SCARA5: variants seen among roughly 807,000 people sequenced by gnomAD.
SCARA5 encodes scavenger receptor class A, member 5 (putative).
A neutral mutation model predicts 46.3 loss-of-function variants in SCARA5; 45 were observed. The observed-to-expected ratio is 0.97, with a 90% CI of 0.76 to 1.24. The LOEUF (loss-of-function observed/expected upper bound fraction) is 1.24. SCARA5 is among the 50% of genes most tolerant of loss of function. The pLI, the probability that SCARA5 is intolerant of heterozygous loss-of-function variation, is 0.00. For synonymous variants in SCARA5, 333 were observed against 306.5 expected (o/e 1.09, Z -0.90); for missense variants, 680 against 689.0 (o/e 0.99, Z 0.15).
At chr8:27,931,975 TC>T (rs36023823) in intron 3 of SCARA5, among the ~76,000 whole-genome samples, 80,562 of 151,526 alleles carry the variant, frequency 0.53, 22,682 homozygotes, top group Middle Eastern at 0.72. Flanking sequence ...CATTTTTAAT[TC>T]TTTTATTTTT....
intron 3 of SCARA5, among the ~76,000 whole-genome samples, chr8:27,950,769 G>C (rs1808111370): frequency 6.6e-6 from 1 of 151,866 alleles, no homozygotes; most frequent in African/African-American, 2.4e-5. Flanking sequence ...TCGGAATCCA[G>C]TGCCAGCACT....
At chr8:27,927,034 G>A (rs550715646) in intron 3 of SCARA5, among the ~76,000 whole-genome samples, 1 of 152,204 alleles carries the variant, frequency 6.6e-6, no homozygotes, top group African/African-American at 2.4e-5. Flanking sequence ...AGAGTAACAG[G>A]GCAACCTCCC....
intron 3 of SCARA5, among the ~76,000 whole-genome samples, chr8:27,960,896 C>T (rs1437367867): frequency 6.6e-6 from 1 of 152,128 alleles, no homozygotes; most frequent in Non-Finnish European, 1.5e-5. Flanking sequence ...CTCAGCTATG[C>T]TTATGTGTGT....
intron 5 of SCARA5, among the ~76,000 whole-genome samples, chr8:27,907,500 G>A (rs1001917148): frequency 6.6e-6 from 1 of 151,882 alleles, no homozygotes; most frequent in Non-Finnish European, 1.5e-5. Flanking sequence ...TGTGAGTGAC[G>A]GTGGGGGTGC....
chr8:27,975,815 G>C (rs1808515201), intron 2 of SCARA5, among the ~76,000 whole-genome samples: 1 of 152,122 alleles, frequency 6.6e-6, no homozygotes, highest in African/African-American at 2.4e-5. Context: ...CCCGGGGTAG[G>C]AGCCTGGTCT....
intron 1 of SCARA5, among the ~76,000 whole-genome samples, 199 bp from the exon 2 acceptor site, chr8:27,987,829 T>C (rs1391531092): frequency 6.6e-6 from 1 of 152,128 alleles, no homozygotes; most frequent in Non-Finnish European, 1.5e-5. Context: ...ATGCCCCCAC[T>C]CCCAGCTTCC....
At chr8:27,899,099 G>GT (rs1269643876) in intron 7 of SCARA5, among the ~76,000 whole-genome samples, 1 of 152,234 alleles carries the variant, frequency 6.6e-6, no homozygotes, top group African/African-American at 2.4e-5. Context: ...CACGGAGGGG[G>GT]TCTAAAGGGA....
chr8:27,883,806 G>A (rs987472816), intron 7 of SCARA5, among the ~76,000 whole-genome samples: 1 of 152,046 alleles, frequency 6.6e-6, no homozygotes, highest in South Asian at 2.1e-4. Context: ...GCAGGAAAAT[G>A]CCCATGTGAA....
At chr8:27,900,375 C>T (rs942455159) in intron 7 of SCARA5, among the ~76,000 whole-genome samples, 2 of 152,200 alleles carry the variant, frequency 1.3e-5, no homozygotes, top group Non-Finnish European at 2.9e-5. Flanking sequence ...GCAGGGAAAA[C>T]TGTTTAGAAA....
At chr8:27,898,019 G>T (rs756845773) in intron 7 of SCARA5, among the ~76,000 whole-genome samples, 1 of 152,212 alleles carries the variant, frequency 6.6e-6, no homozygotes, top group African/African-American at 2.4e-5. Context: ...CCCAGCTCTG[G>T]TCTCTCTCCC....
At chr8:27,987,204 C>T (rs1425473340) in intron 2 of SCARA5, among the ~76,000 whole-genome samples, 1 of 152,226 alleles carries the variant, frequency 6.6e-6, no homozygotes, top group Non-Finnish European at 1.5e-5. Context: ...CTCACTCTCT[C>T]AGGAGCAGAA....
At chr8:27,927,056 C>T (rs1198771822) in intron 3 of SCARA5, among the ~76,000 whole-genome samples, 1 of 152,130 alleles carries the variant, frequency 6.6e-6, no homozygotes, top group Non-Finnish European at 1.5e-5. Flanking sequence ...GACTGAAGCC[C>T]CAGGGCCGAT....
chr8:27,905,821 C>T (rs1178702172), intron 6 of SCARA5, among the ~76,000 whole-genome samples: 2 of 151,274 alleles, frequency 1.3e-5, no homozygotes, highest in African/African-American at 4.9e-5. Flanking sequence ...AGTGATTCTC[C>T]TGCCTCAGCT....
At chr8:27,886,407 T>A (rs1235567467) in intron 7 of SCARA5, among the ~76,000 whole-genome samples, 1 of 152,218 alleles carries the variant, frequency 6.6e-6, no homozygotes, top group Non-Finnish European at 1.5e-5. Context: ...GGATTTTGCA[T>A]CCTTTTCTCC....
At chr8:27,903,630 C>G (rs1433578407) in intron 7 of SCARA5, 1 of 152,306 alleles carries the variant, frequency 6.6e-6, no homozygotes, top group South Asian at 2.1e-4. Flanking sequence ...GGTTTCTCTT[C>G]GAAACCTTCT....
intron 6 of SCARA5, among the ~76,000 whole-genome samples, chr8:27,905,858 GC>G (rs1807253562): frequency 6.6e-6 from 1 of 151,952 alleles, no homozygotes; most frequent in Non-Finnish European, 1.5e-5. Context: ...TCACAGGTGT[GC>G]CCCAACATGC....
intron 2 of SCARA5, among the ~76,000 whole-genome samples, chr8:27,969,910 C>A (rs1036443594): frequency 6.6e-6 from 1 of 152,122 alleles, no homozygotes; most frequent in Non-Finnish European, 1.5e-5. Context: ...TATGGAACAT[C>A]CACTGTGGAA....
intron 7 of SCARA5, among the ~76,000 whole-genome samples, chr8:27,895,041 AAAGCCCACCCT>A (rs1190376758): frequency 6.6e-6 from 1 of 152,196 alleles, no homozygotes; most frequent in African/African-American, 2.4e-5. Context: ...AAGCAGAGGG[AAAGCCCACCCT>A]AAGCCTGGAA....
At chr8:27,972,886 G>T (rs1449794005) in intron 2 of SCARA5, among the ~76,000 whole-genome samples, 1 of 151,978 alleles carries the variant, frequency 6.6e-6, no homozygotes, top group Non-Finnish European at 1.5e-5. Flanking sequence ...AGTTCTAGAA[G>T]GTAGTATATT....
Sources: allele counts gnomAD v4.1 joint callset (sites outside exome capture counted in the v4.1 genomes callset), GRCh38; gene constraint gnomAD v4.1.1; transcripts MANE v1.5; gene names NCBI Gene and HGNC (gene_info 2026-07-23, HGNC 2026-07-21).